Variants in XIAP observed in about 807,000 individuals in gnomAD.
The protein encoded by XIAP is E3 ubiquitin-protein ligase XIAP.
Under a neutral mutation model 33.1 loss-of-function variants are expected in XIAP, and 3 were observed. The observed-to-expected ratio is 0.09, with a 90% CI of 0.04 to 0.23. The LOEUF is 0.23. Ranked by LOEUF, XIAP falls within the 10% of genes least tolerant of loss-of-function variation. The pLI is 1.00. For synonymous variants in XIAP, 98 were observed against 121.3 expected (o/e 0.81, Z 1.26); for missense variants, 264 against 363.0 (o/e 0.73, Z 2.22).
At chrX:123,892,541 G>A (rs949223271) in intron 4 of XIAP, among the ~76,000 whole-genome samples, 190 bp from the exon 5 acceptor site, 2 of 111,314 alleles carry the variant, frequency 1.8e-5, no homozygotes, top group Non-Finnish European at 3.8e-5. Context: ...TTTGTAAAAT[G>A]AAGGGATTAG....
intron 1 of XIAP, chrX:123,879,047 A>G (rs1422110235): frequency 1.8e-5 from 2 of 111,980 alleles, no homozygotes; most frequent in Admixed American, 9.7e-5. Flanking sequence ...TGTACCATCA[A>G]CTTCTAAAAA....
Position 123,860,189 on chromosome X carries a change from G to T in XIAP, c.-137G>T. The stretch of plus-strand genomic sequence containing the variant: ...TAGGCTGGGGCCAAGCCGCAGAGCG[G>T]AGTTGGCATTTCCAGATTGGGGCTC... On this transcript the variant is annotated 5_prime_UTR_variant, in exon 1 of 7. Coordinates refer to ENST00000371199, the MANE Select transcript of XIAP (RefSeq NM_001167.4). 3.0e-6 allele frequency: 1 copy of T among 330,095 alleles called. No individual in the cohort carries two copies. The highest frequency in any genetic ancestry group is 5.9e-6 in the Non-Finnish European group (1 of 170,064). 27.2% of individuals were successfully genotyped at this position (330,095 alleles called of 1,213,427 possible). A position where few individuals can be genotyped will look rare whatever the true frequency, so the allele number is the denominator to read the frequency against.
chrX:123,883,218 G>T (rs7055121), intron 1 of XIAP, among the ~76,000 whole-genome samples: 20,936 of 108,561 alleles, frequency 0.19, 1,473 homozygotes, highest in South Asian at 0.39. Flanking sequence ...GAGTAGCTGG[G>T]ATTACAGGTA....
At chrX:123,905,506 C>T (rs1187429610) in intron 6 of XIAP, among the ~76,000 whole-genome samples, 1 of 111,668 alleles carries the variant, frequency 9.0e-6, no homozygotes, top group Non-Finnish European at 1.9e-5. Context: ...CATGCACACA[C>T]ACGCACACAC....
intron 5 of XIAP, among the ~76,000 whole-genome samples, chrX:123,893,314 T>G (rs2053425483): frequency 9.4e-6 from 1 of 106,463 alleles, no homozygotes; most frequent in African/African-American, 3.4e-5. Flanking sequence ...GGTCAGGAGA[T>G]CGAGACCATC....
intron 6 of XIAP, among the ~76,000 whole-genome samples, chrX:123,905,135 C>G (rs1417175626): frequency 8.9e-6 from 1 of 111,743 alleles, no homozygotes; most frequent in Non-Finnish European, 1.9e-5. Context: ...AGAAACCTTT[C>G]TGAGACATAG....
At chrX:123,900,385 G>T in intron 5 of XIAP, 108 bp from the exon 6 acceptor site, 1 of 711,006 alleles carries the variant, frequency 1.4e-6, no homozygotes, top group Non-Finnish European at 2.1e-6. Flanking sequence ...TTATTCTTTC[G>T]CTTGCTCCTT....
chrX:123,875,960 A>G (rs1296231759), intron 1 of XIAP, among the ~76,000 whole-genome samples: 1 of 112,542 alleles, frequency 8.9e-6, no homozygotes, highest in Non-Finnish European at 1.9e-5. Context: ...TGTTGGGATT[A>G]CAGGTGTGAG....
chrX:123,867,972 A>C (rs1276060907), intron 1 of XIAP, among the ~76,000 whole-genome samples: 2 of 111,375 alleles, frequency 1.8e-5, no homozygotes, highest in Non-Finnish European at 3.8e-5. Flanking sequence ...CACTGCGCCC[A>C]GCCTGAAGTC....
Position 123,910,817 on chromosome X carries a change from G to A in XIAP, c.*3636G>A, listed in dbSNP as rs1170436172. 4.5e-5 allele frequency: 13 copies of A among 287,798 alleles called. No homozygotes were observed. The highest frequency in any genetic ancestry group is 3.1e-4 in the East Asian group (3 of 9,797). 23.7% of individuals were successfully genotyped at this position (287,798 alleles called of 1,213,427 possible). ...CGGGAGGCAGAGCTTGCAGTGAGCC[G>A]AGATCTCGCCACTGCACTCCAGCCT... On this transcript the variant is annotated 3_prime_UTR_variant, in exon 7 of 7. Coordinates refer to ENST00000371199, the MANE Select transcript of XIAP (RefSeq NM_001167.4).
chrX:123,902,396 T>G (rs1158253766), intron 6 of XIAP, among the ~76,000 whole-genome samples: 1 of 111,954 alleles, frequency 8.9e-6, no homozygotes, highest in Non-Finnish European at 1.9e-5. Context: ...ATGCTGGGAC[T>G]GCTGCCTATT....
chrX:123,901,646 A>G (rs1472917367), intron 6 of XIAP, among the ~76,000 whole-genome samples: 1 of 111,977 alleles, frequency 8.9e-6, no homozygotes, highest in African/African-American at 3.2e-5. Context: ...CACTATTCAG[A>G]TAATCGTATA....
intron 1 of XIAP, chrX:123,860,557 C>T: frequency 4.0e-6 from 1 of 248,985 alleles, no homozygotes; most frequent in Non-Finnish European, 7.6e-6. Flanking sequence ...TAAATTGAGG[C>T]AAAGAACTTT....
intron 2 of XIAP, among the ~76,000 whole-genome samples, chrX:123,888,040 G>A (rs896623486): frequency 1.4e-4 from 15 of 105,155 alleles, no homozygotes; most frequent in Non-Finnish European, 2.7e-4. Flanking sequence ...ATAAATAAAT[G>A]AAAATAAAGT....
chrX:123,883,527 A>G (rs1284654639), intron 1 of XIAP, among the ~76,000 whole-genome samples: 5 of 74,045 alleles, frequency 6.8e-5, no homozygotes, highest in Non-Finnish European at 9.9e-5. Context: ...ACAGAGTTTC[A>G]CTCTTGTTGC....
intron 3 of XIAP, among the ~76,000 whole-genome samples, chrX:123,889,697 T>C (rs1157002533): frequency 9.1e-6 from 1 of 109,782 alleles, no homozygotes; most frequent in African/African-American, 3.3e-5. Flanking sequence ...TTTTATATTT[T>C]TAGTAGAGAC....
intron 1 of XIAP, among the ~76,000 whole-genome samples, chrX:123,880,597 C>T (rs1244795879): frequency 5.7e-5 from 6 of 104,770 alleles, no homozygotes; most frequent in African/African-American, 1.1e-4. Context: ...ATTAGCCAGG[C>T]GTGGTGGCGG....
intron 1 of XIAP, among the ~76,000 whole-genome samples, chrX:123,883,240 G>A (rs984597794): frequency 1.9e-5 from 2 of 107,268 alleles, no homozygotes; most frequent in Admixed American, 1.0e-4. Context: ...CTGCCACCAC[G>A]CCTGGCTAAT....
rs2053589026 is a variant in XIAP at position 123,910,427 on chromosome X, C to T, written c.*3246C>T. On this transcript the variant is annotated 3_prime_UTR_variant, in exon 7 of 7. Transcript: ENST00000371199. Reference sequence around the variant, plus strand: ...TATTTTGAACTATGAATGGAGACTACCGCCCCAGCATTAGTTTCACATGAT... The same window carrying T: ...TATTTTGAACTATGAATGGAGACTATCGCCCCAGCATTAGTTTCACATGAT... 3.1e-6 allele frequency: 1 copy of T among 327,757 alleles called. No homozygotes were observed. Among genetic ancestry groups the T allele is most frequent in the African/African-American group, 2.7e-5 (1 of 37,568 alleles). The allele number at this position is 327,757 out of a possible 1,213,427, so 27.0% of individuals were successfully genotyped here.
Sources: allele counts gnomAD v4.1 joint callset (sites outside exome capture counted in the v4.1 genomes callset), GRCh38; gene constraint gnomAD v4.1.1; transcripts MANE v1.5; gene names NCBI Gene and HGNC (gene_info 2026-07-23, HGNC 2026-07-21).